PYGO1: variants seen among roughly 807,000 people sequenced by gnomAD.
The protein encoded by PYGO1 is pygopus homolog 1.
In PYGO1, 6 loss-of-function variants were observed where a neutral mutation model predicts 29.5. The observed-to-expected ratio is 0.20, with a 90% CI of 0.11 to 0.40. The LOEUF (loss-of-function observed/expected upper bound fraction) is 0.40, where lower values mean the gene tolerates loss of function less well. PYGO1 is among the 10% of genes least tolerant of loss of function. The pLI is 1.00. For synonymous variants in PYGO1, 186 were observed against 180.5 expected (o/e 1.03, Z -0.24); for missense variants, 515 against 514.9 (o/e 1.00, Z 0.00).
upstream of PYGO1, among the ~76,000 whole-genome samples, chr15:55,588,371 G>A (rs983232432): frequency 6.7e-6 from 1 of 148,942 alleles, no homozygotes; most frequent in Admixed American, 6.7e-5. Flanking sequence ...GGAGCCGCCT[G>A]TAAAACCCGC....
chr15:55,561,804 T>C (rs932062915), intron 1 of PYGO1, among the ~76,000 whole-genome samples: 1 of 152,092 alleles, frequency 6.6e-6, no homozygotes, highest in Non-Finnish European at 1.5e-5. Context: ...TGGGGAAAGA[T>C]TTCACGGTGA....
At chr15:55,581,967 G>A (rs1017735835) in intron 1 of PYGO1, among the ~76,000 whole-genome samples, 1 of 150,610 alleles carries the variant, frequency 6.6e-6, no homozygotes, top group African/African-American at 2.5e-5. Context: ...AGCACTTTGG[G>A]AGGCTGAGGT....
At chr15:55,580,871 G>C (rs577461339) in intron 1 of PYGO1, among the ~76,000 whole-genome samples, 2 of 152,122 alleles carry the variant, frequency 1.3e-5, no homozygotes, top group Non-Finnish European at 2.9e-5. Flanking sequence ...ATCTTCCCAG[G>C]AGGTAACTTC....
At chr15:55,582,847 C>T (rs573413028) in intron 1 of PYGO1, among the ~76,000 whole-genome samples, 1 of 152,236 alleles carries the variant, frequency 6.6e-6, no homozygotes, top group East Asian at 1.9e-4. Context: ...GGCTCTTCCC[C>T]AACCCCCAAT....
chr15:55,543,237 T>A lies in PYGO1; in HGVS notation c.*2786A>T, dbSNP rs955036980. 6.6e-6 allele frequency: 1 copy of A among 152,248 alleles called. No individual in the cohort carries two copies. Among genetic ancestry groups the A allele is most frequent in the African/African-American group, 2.4e-5 (1 of 41,468 alleles). The allele number at this position is 152,248 out of a possible 1,614,324, so 9.4% of individuals were successfully genotyped here. On this transcript the variant is annotated 3_prime_UTR_variant, in exon 3 of 3. Transcript: ENST00000563719. ...TCCTAAGAAGCCATTTCAGTTTGTA[T>A]AATAGCCTTCTTCAGACAAATTATC...
chr15:55,588,405 C>G (rs1250454805), upstream of PYGO1, among the ~76,000 whole-genome samples: 2 of 148,802 alleles, frequency 1.3e-5, no homozygotes, highest in Non-Finnish European at 3.0e-5. Flanking sequence ...AGGGACGTGG[C>G]GCGGCCCCGC....
intron 1 of PYGO1, among the ~76,000 whole-genome samples, chr15:55,554,309 A>G (rs148008457): frequency 6.6e-6 from 1 of 151,854 alleles, no homozygotes; most frequent in South Asian, 2.1e-4. Context: ...CTAAAAATAT[A>G]TTTAAAAAAA....
chr15:55,587,940 C>A lies in PYGO1; in HGVS notation c.-57G>T. On this transcript the variant is annotated 5_prime_UTR_variant, in exon 1 of 3. Transcript: ENST00000563719. The stretch of plus-strand genomic sequence containing the variant: ...CCGCGGGAATTCGGTCTCTTTGATG[C>A]TGCGGCGGCGGCTCCTCCTCCTCGC... 1 of 1,450,042 alleles carries A rather than the reference C, an allele frequency of 6.9e-7. No homozygotes were observed. Among genetic ancestry groups the A allele is most frequent in the Non-Finnish European group, 9.1e-7 (1 of 1,097,956 alleles). 89.8% of individuals were successfully genotyped at this position (1,450,042 alleles called of 1,614,324 possible).
intron 1 of PYGO1, among the ~76,000 whole-genome samples, chr15:55,567,890 A>G (rs2058963850): frequency 6.6e-6 from 1 of 152,198 alleles, no homozygotes; most frequent in Non-Finnish European, 1.5e-5. Flanking sequence ...GTCAAATATC[A>G]GATGGCTACA....
chr15:55,557,932 C>G (rs1338873361), intron 1 of PYGO1, among the ~76,000 whole-genome samples: 2 of 152,276 alleles, frequency 1.3e-5, no homozygotes, highest in South Asian at 4.1e-4. Context: ...AAAACTGGCA[C>G]AAGACAGGGA....
intron 1 of PYGO1, among the ~76,000 whole-genome samples, chr15:55,578,602 C>T (rs1322936987): frequency 6.6e-6 from 1 of 152,154 alleles, no homozygotes; most frequent in African/African-American, 2.4e-5. Context: ...TCCATAATGA[C>T]TAATGATGCC....
intron 2 of PYGO1, 35 bp downstream of exon 2, chr15:55,548,875 A>T (rs764502226): frequency 8.8e-6 from 14 of 1,587,630 alleles, no homozygotes; most frequent in Non-Finnish European, 1.2e-5. Context: ...CATACTAGCA[A>T]AGAAAAACTT....
Position 55,544,767 on chromosome 15 carries a change from C to T in PYGO1, c.*1256G>A, listed in dbSNP as rs1550329. The stretch of plus-strand genomic sequence containing the variant: ...CAATGATTGTATAAATTGCCATTAG[C>T]TGTCAAACAGCACACATTTTTTTTT... On this transcript the variant is annotated 3_prime_UTR_variant, in exon 3 of 3. Coordinates refer to ENST00000563719, the MANE Select transcript of PYGO1 (RefSeq NM_001367806.1). 0.65 allele frequency: 98,519 copies of T among 151,700 alleles called. 32,186 individuals are homozygous for T. Among genetic ancestry groups the T allele is most frequent in the Admixed American group, 0.68 (10,300 of 15,240 alleles). 9.4% of individuals were successfully genotyped at this position (151,700 alleles called of 1,614,324 possible).
At chr15:55,558,998 C>T (rs2058920400) in intron 1 of PYGO1, among the ~76,000 whole-genome samples, 1 of 151,950 alleles carries the variant, frequency 6.6e-6, no homozygotes, top group South Asian at 2.1e-4. Context: ...TCTAATTAAA[C>T]TGAAGAGCTT....
chr15:55,579,203 C>A (rs2059016127), intron 1 of PYGO1, among the ~76,000 whole-genome samples: 1 of 152,062 alleles, frequency 6.6e-6, no homozygotes, highest in Admixed American at 6.6e-5. Context: ...AATTTGCATG[C>A]AGTTTTTCTA....
At chr15:55,573,482 T>C (rs1028799650) in intron 1 of PYGO1, among the ~76,000 whole-genome samples, 3 of 152,182 alleles carry the variant, frequency 2.0e-5, no homozygotes, top group Non-Finnish European at 4.4e-5. Flanking sequence ...GTAATCCAAC[T>C]TCTGGATATA....
chr15:55,579,367 C>T (rs1166495992), intron 1 of PYGO1, among the ~76,000 whole-genome samples: 1 of 152,106 alleles, frequency 6.6e-6, no homozygotes, highest in Non-Finnish European at 1.5e-5. Flanking sequence ...AGGCGCCAAA[C>T]CTCAAAGTCC....
chr15:55,552,632 C>G (rs987026088), intron 1 of PYGO1, among the ~76,000 whole-genome samples: 2 of 152,036 alleles, frequency 1.3e-5, no homozygotes, highest in African/African-American at 2.4e-5. Flanking sequence ...CAGGAAACCA[C>G]ACTTCTCCCA....
intron 2 of PYGO1, among the ~76,000 whole-genome samples, chr15:55,548,707 T>TAAAAAAAAAAAAAAAAA (rs60796044): frequency 1.1e-4 from 6 of 55,448 alleles, no homozygotes; most frequent in African/African-American, 2.5e-4. Flanking sequence ...AGAATCCACC[T>TAAAAAAAAAAAAAAAAA]AAAAAAAAAA....
Sources: gnomAD v4.1 joint callset for allele counts (sites outside exome capture counted in the v4.1 genomes callset) on GRCh38, gnomAD v4.1.1 for gene constraint, MANE v1.5 for transcripts, NCBI Gene and HGNC (gene_info 2026-07-23, HGNC 2026-07-21) for gene names.